SPOPL: variants seen among roughly 807,000 people sequenced by gnomAD.
SPOPL encodes the protein speckle type BTB/POZ protein like.
In SPOPL, 23 loss-of-function variants were observed where a neutral mutation model predicts 53.8. The observed-to-expected ratio is 0.43, with a 90% CI of 0.31 to 0.61. The LOEUF is 0.61. Ranked by LOEUF, SPOPL falls within the 20% of genes least tolerant of loss-of-function variation. The pLI, the probability that SPOPL is intolerant of heterozygous loss-of-function variation, is 0.12. For synonymous variants in SPOPL, 164 were observed against 149.7 expected (o/e 1.10, Z -0.70); for missense variants, 442 against 466.9 (o/e 0.95, Z 0.49).
At chr2:138,563,914 G>A (rs1234764334) in intron 8 of SPOPL, among the ~76,000 whole-genome samples, 1 of 152,202 alleles carries the variant, frequency 6.6e-6, no homozygotes, top group Non-Finnish European at 1.5e-5. Flanking sequence ...GTATATCTAT[G>A]TATGATGGAA....
chr2:138,519,518 G>A (rs1274847059), intron 1 of SPOPL, among the ~76,000 whole-genome samples: 1 of 152,120 alleles, frequency 6.6e-6, no homozygotes, highest in Non-Finnish European at 1.5e-5. Context: ...TACTTAACAG[G>A]TTTGTCTAGA....
chr2:138,528,570 C>G (rs1684728677), intron 1 of SPOPL, among the ~76,000 whole-genome samples: 1 of 152,158 alleles, frequency 6.6e-6, no homozygotes, highest in South Asian at 2.1e-4. Context: ...GTTCATTTCA[C>G]TGCCTTGAAC....
chr2:138,509,339 T>C (rs1282026467), intron 1 of SPOPL, among the ~76,000 whole-genome samples: 1 of 152,194 alleles, frequency 6.6e-6, no homozygotes, highest in East Asian at 1.9e-4. Context: ...AGAGGTGTTT[T>C]TATTTTCTGC....
At chr2:138,518,570 G>T (rs1269499807) in intron 1 of SPOPL, among the ~76,000 whole-genome samples, 1 of 152,184 alleles carries the variant, frequency 6.6e-6, no homozygotes, top group African/African-American at 2.4e-5. Context: ...TTCGAAGGAG[G>T]TATTCACCAT....
At chr2:138,516,495 A>G (rs147367808) in intron 1 of SPOPL, among the ~76,000 whole-genome samples, 13 of 152,320 alleles carry the variant, frequency 8.5e-5, no homozygotes, top group African/African-American at 2.4e-4. Flanking sequence ...GATTGCTATA[A>G]TGTTATGTGG....
At chr2:138,529,974 C>T (rs984280691) in intron 1 of SPOPL, among the ~76,000 whole-genome samples, 2 of 152,146 alleles carry the variant, frequency 1.3e-5, no homozygotes, top group Admixed American at 6.5e-5. Context: ...CCTCCTCCCA[C>T]GCTTTACCCT....
chr2:138,519,495 G>C (rs1684511756), intron 1 of SPOPL, among the ~76,000 whole-genome samples: 1 of 151,782 alleles, frequency 6.6e-6, no homozygotes, highest in Non-Finnish European at 1.5e-5. Context: ...CCTATATGTA[G>C]AATAGAAGTA....
chr2:138,513,578 T>TA (rs1475100092), intron 1 of SPOPL, among the ~76,000 whole-genome samples: 1 of 151,262 alleles, frequency 6.6e-6, no homozygotes, highest in Non-Finnish European at 1.5e-5. Context: ...AAAATAAAAT[T>TA]AAAAAATTAG....
At chr2:138,512,893 A>G (rs1191592547) in intron 1 of SPOPL, among the ~76,000 whole-genome samples, 2 of 152,242 alleles carry the variant, frequency 1.3e-5, no homozygotes, top group Non-Finnish European at 2.9e-5. Context: ...GTGTCTAGTC[A>G]TTGAGTACTT....
Position 138,550,220 on chromosome 2 carries a change from T to G in SPOPL, c.4T>G (p.Ser2Ala). Residue 2 changes from serine to alanine, a missense_variant, in exon 2 of 11, where the codon TCT becomes GCT. Physicochemically the swap from Ser to Ala is moderately conservative, Grantham distance 99 (BLOSUM62 1). Coordinates refer to ENST00000280098, the MANE Select transcript of SPOPL (RefSeq NM_001001664.3). ...GAAAGACTACAATAAAGTGGTGATG[T>G]CTCGGGAACCCACCCCACCTCTACC... M[S>A]REPTPPLPGD... 6.2e-7 allele frequency: 1 copy of G among 1,613,450 alleles called. No individual in the cohort carries two copies. The highest frequency in any genetic ancestry group is 8.5e-7 in the Non-Finnish European group (1 of 1,179,574).
intron 10 of SPOPL, among the ~76,000 whole-genome samples, chr2:138,565,593 T>C (rs912938715): frequency 6.6e-6 from 1 of 152,200 alleles, no homozygotes; most frequent in African/African-American, 2.4e-5. Context: ...ATGACTTTTA[T>C]ATTCTTTGTT....
At chr2:138,564,625 T>C in intron 8 of SPOPL, 83 bp from the exon 9 acceptor site, 1 of 1,476,050 alleles carries the variant, frequency 6.8e-7, no homozygotes, top group Non-Finnish European at 9.2e-7. Context: ...ATTTTACCCT[T>C]ATTTTCCAAG....
chr2:138,515,709 T>C (rs1181666948), intron 1 of SPOPL, among the ~76,000 whole-genome samples: 1 of 152,210 alleles, frequency 6.6e-6, no homozygotes, highest in African/African-American at 2.4e-5. Context: ...TTCCTGTACC[T>C]TTTGGGGATA....
At chr2:138,551,982 G>A (rs1558876766) in intron 4 of SPOPL, among the ~76,000 whole-genome samples, 2 of 151,930 alleles carry the variant, frequency 1.3e-5, no homozygotes, top group Non-Finnish European at 2.9e-5. Flanking sequence ...TCTTTTTAGG[G>A]GAGAGGAGGT....
At chr2:138,509,561 C>T (rs1684284960) in intron 1 of SPOPL, among the ~76,000 whole-genome samples, 1 of 151,952 alleles carries the variant, frequency 6.6e-6, no homozygotes, top group Non-Finnish European at 1.5e-5. Flanking sequence ...TGTATCTCCC[C>T]TCCTCGAACC....
intron 1 of SPOPL, among the ~76,000 whole-genome samples, chr2:138,524,721 C>T (rs1317646827): frequency 6.6e-6 from 1 of 152,212 alleles, no homozygotes; most frequent in Non-Finnish European, 1.5e-5. Flanking sequence ...GTAACAAGAC[C>T]CACCTTTGCT....
rs536262145 is a variant in SPOPL, at chr2:138,540,452, G to A, written c.-60-9705G>A. 7.9e-5 allele frequency among the ~76,000 whole-genome samples: 12 copies of A among 152,190 alleles called. No individual in the cohort carries two copies. In the East Asian group the frequency reaches 1.4e-3, roughly 17 times the overall value. On this transcript the variant is annotated intron_variant, in intron 1 of 10. Coordinates refer to ENST00000280098, the MANE Select transcript of SPOPL (RefSeq NM_001001664.3). ...AGTGGTTTGTAGTTCTCCTTGAAGA[G>A]GTCCTTCACATCTCTTGTAAGTTGG...
At chr2:138,522,563 GA>G in intron 1 of SPOPL, among the ~76,000 whole-genome samples, 1 of 152,012 alleles carries the variant, frequency 6.6e-6, no homozygotes, top group South Asian at 2.1e-4. Context: ...CCTTTAAATA[GA>G]AATATATATA....
chr2:138,530,409 T>C (rs1684781950), intron 1 of SPOPL, among the ~76,000 whole-genome samples: 1 of 152,216 alleles, frequency 6.6e-6, no homozygotes, highest in African/African-American at 2.4e-5. Context: ...ATCGCCACAC[T>C]GTTTTCCACA....
Sources: allele counts gnomAD v4.1 joint callset (sites outside exome capture counted in the v4.1 genomes callset), GRCh38; gene constraint gnomAD v4.1.1; transcripts MANE v1.5; gene names NCBI Gene and HGNC (gene_info 2026-07-23, HGNC 2026-07-21).